The following NDUFAF2 variants were observed in gnomAD, a reference collection of about 807,000 sequenced individuals.
NDUFAF2 encodes NADH:ubiquinone oxidoreductase complex assembly factor 2, also known as NADH dehydrogenase [ubiquinone] 1 alpha subcomplex assembly factor 2.
A neutral mutation model predicts 22.8 loss-of-function variants in NDUFAF2; 13 were observed. That is an observed-to-expected ratio of 0.57 (90% CI 0.37 to 0.91). The LOEUF is 0.91. NDUFAF2 is among the 40% of genes least tolerant of loss of function. NDUFAF2 has a pLI of 0.01. For synonymous variants in NDUFAF2, 53 were observed against 64.2 expected, an observed-to-expected ratio of 0.83 and a Z score of 0.84; for missense variants, 162 against 195.2, an observed-to-expected ratio of 0.83 and a Z score of 1.01.
chr5:61,081,951 C>G (rs1752448613), intron 2 of NDUFAF2, among the ~76,000 whole-genome samples: 1 of 152,202 alleles, frequency 6.6e-6, no homozygotes, highest in Admixed American at 6.5e-5. Context: ...TGTATTTGGA[C>G]AAAGTATGCA....
chr5:61,016,489 A>G (rs908168042), intron 1 of NDUFAF2, among the ~76,000 whole-genome samples: 2 of 152,180 alleles, frequency 1.3e-5, no homozygotes, highest in Non-Finnish European at 2.9e-5. Flanking sequence ...GCTGGTAAAT[A>G]ACTATGTGGT....
intron 3 of NDUFAF2, chr5:61,114,632 A>G (rs1391692133): frequency 6.6e-6 from 1 of 152,116 alleles, no homozygotes; most frequent in Non-Finnish European, 1.5e-5. Flanking sequence ...TTTGGTATTT[A>G]TTGTAATCTT....
intron 3 of NDUFAF2, among the ~76,000 whole-genome samples, chr5:61,147,566 G>A (rs560588024): frequency 4.6e-5 from 7 of 151,152 alleles, no homozygotes; most frequent in Non-Finnish European, 8.8e-5. Flanking sequence ...GAGCCACCAC[G>A]TACGGCTAGA....
At position 61,040,411 on chromosome 5, in the gene NDUFAF2, C is replaced by T. The variant is rs375803395; in HGVS notation, c.128-32714C>T. 1.0e-3 allele frequency among the ~76,000 whole-genome samples: 155 copies of T among 152,178 alleles called. 1 individual carries two copies. Among genetic ancestry groups the T allele is most frequent in the African/African-American group, 3.6e-3 (150 of 41,526 alleles). On this transcript the variant is annotated intron_variant, in intron 1 of 3. Coordinates refer to ENST00000296597, the MANE Select transcript of NDUFAF2 (RefSeq NM_174889.5). ...CCCTAGAGCCTTCAGAGGACCCTCC[C>T]TCCCTATACTTTCATTTCAGACTTT...
chr5:61,047,027 G>A (rs980308833), intron 1 of NDUFAF2, among the ~76,000 whole-genome samples: 6 of 152,052 alleles, frequency 3.9e-5, no homozygotes, highest in East Asian at 1.9e-4. Flanking sequence ...TCTACAGAGC[G>A]CTAGGGCTAA....
chr5:61,043,689 GTGTGTGTGTGTGTA>G (rs1751910709), intron 1 of NDUFAF2, among the ~76,000 whole-genome samples: 1 of 148,100 alleles, frequency 6.8e-6, no homozygotes, highest in African/African-American at 2.6e-5. Flanking sequence ...ATGTGTGTGT[GTGTGTGTGTGTGTA>G]TGTGTGTGTG....
chr5:61,060,324 T>C (rs1752148256), intron 1 of NDUFAF2, among the ~76,000 whole-genome samples: 1 of 152,192 alleles, frequency 6.6e-6, no homozygotes, highest in African/African-American at 2.4e-5. Context: ...TTTGTAATGG[T>C]TCAGAATAAC....
At chr5:61,007,535 A>G (rs1028243938) in intron 1 of NDUFAF2, among the ~76,000 whole-genome samples, 2 of 152,246 alleles carry the variant, frequency 1.3e-5, no homozygotes, top group Non-Finnish European at 2.9e-5. Flanking sequence ...TATGCAGCCA[A>G]AAAACATATG....
chr5:61,123,148 G>A (rs370567908), intron 3 of NDUFAF2, among the ~76,000 whole-genome samples: 2 of 152,016 alleles, frequency 1.3e-5, no homozygotes, highest in African/African-American at 4.8e-5. Context: ...CTCCTTCCCT[G>A]TTTCATATTC....
At chr5:61,122,140 C>T (rs1752983976) in intron 3 of NDUFAF2, among the ~76,000 whole-genome samples, 1 of 152,060 alleles carries the variant, frequency 6.6e-6, no homozygotes, top group Non-Finnish European at 1.5e-5. Context: ...CTGAAGACTG[C>T]TTTCTGATTT....
At chr5:61,041,147 G>A (rs1366895780) in intron 1 of NDUFAF2, among the ~76,000 whole-genome samples, 1 of 152,096 alleles carries the variant, frequency 6.6e-6, no homozygotes, top group Non-Finnish European at 1.5e-5. Flanking sequence ...ATATTCAGAA[G>A]TAACATCTAA....
intron 3 of NDUFAF2, among the ~76,000 whole-genome samples, chr5:61,119,614 TC>T (rs1386370650): frequency 6.6e-6 from 1 of 152,098 alleles, no homozygotes; most frequent in East Asian, 1.9e-4. Context: ...CATTTCTACC[TC>T]CCCAAAGGAA....
At chr5:60,970,452 G>C (rs1750812025) in intron 1 of NDUFAF2, among the ~76,000 whole-genome samples, 1 of 151,924 alleles carries the variant, frequency 6.6e-6, no homozygotes, top group South Asian at 2.1e-4. Context: ...TCACTTTTTT[G>C]GTTAAGGTAA....
chr5:60,953,587 A>C (rs1400221836), intron 1 of NDUFAF2, among the ~76,000 whole-genome samples: 2 of 152,070 alleles, frequency 1.3e-5, no homozygotes, highest in Non-Finnish European at 2.9e-5. Flanking sequence ...TGAGTCTTTG[A>C]ATGTCTGAAA....
chr5:61,119,544 A>G (rs956304698), intron 3 of NDUFAF2, among the ~76,000 whole-genome samples: 1 of 152,196 alleles, frequency 6.6e-6, no homozygotes. Context: ...CTGGCTTCCA[A>G]AGCTGGAAAG....
At chr5:60,972,773 G>GTTTTTTTTTTTTTTTTGGTTTTTTTT (rs35076688) in intron 1 of NDUFAF2, among the ~76,000 whole-genome samples, 1 of 103,926 alleles carries the variant, frequency 9.6e-6, no homozygotes, top group East Asian at 2.8e-4. Context: ...TGTGTATTCT[G>GTTTTTTTTTTTTTTTTGGTTTTTTTT]TTTTTTTTTT....
rs752054337 is a variant in NDUFAF2 at position 60,945,398 on chromosome 5, G to C, written c.127+16G>C. ...AACTGGAGAGGTGAGGTGGCGGCGT[G>C]GGCAGCGATTGCGTGGTCAGTGATT... is the stretch of plus-strand genomic sequence containing the variant. On this transcript the variant is annotated intron_variant, in intron 1 of 3. Coordinates refer to ENST00000296597, the MANE Select transcript of NDUFAF2 (RefSeq NM_174889.5). 3.7e-6 allele frequency: 6 copies of C among 1,614,104 alleles called. No homozygotes were observed. The highest frequency in any genetic ancestry group is 2.5e-6 in the Non-Finnish European group (3 of 1,180,054).
intron 1 of NDUFAF2, among the ~76,000 whole-genome samples, chr5:61,042,914 G>C (rs1426762049): frequency 6.6e-6 from 1 of 152,170 alleles, no homozygotes; most frequent in Non-Finnish European, 1.5e-5. Context: ...CATAATTGTG[G>C]AGACAGTGAA....
chr5:60,972,068 G>C (rs1194219725), intron 1 of NDUFAF2, among the ~76,000 whole-genome samples: 1 of 151,134 alleles, frequency 6.6e-6, no homozygotes, highest in Non-Finnish European at 1.5e-5. Flanking sequence ...TCAGCCTCCT[G>C]AGTAGCTAGG....
Sources: gnomAD v4.1 joint callset for allele counts (sites outside exome capture counted in the v4.1 genomes callset) on GRCh38, gnomAD v4.1.1 for gene constraint, MANE v1.5 for transcripts, NCBI Gene and HGNC (gene_info 2026-07-23, HGNC 2026-07-21) for gene names.